Variants in ARGFX observed in about 807,000 individuals in gnomAD.
ARGFX encodes arginine-fifty homeobox.
ARGFX carries 10 observed loss-of-function variants against 8.0 expected under a neutral mutation model. The observed-to-expected ratio is 1.25, with a 90% CI of 0.77 to 2.12. ARGFX has a LOEUF of 2.12. ARGFX is among the 30% of genes most tolerant of loss of function. The pLI is 0.00. For missense variants in ARGFX, 282 were observed against 324.3 expected, an observed-to-expected ratio of 0.87 and a Z score of 1.00; for synonymous variants, 116 against 117.8, an observed-to-expected ratio of 0.98 and a Z score of 0.10.
intron 2 of ARGFX, among the ~76,000 whole-genome samples, chr3:121,572,362 C>T (rs1420222749): frequency 1.3e-5 from 2 of 151,716 alleles, no homozygotes; most frequent in African/African-American, 4.8e-5. Context: ...CTGCCTCAGC[C>T]TCCCAAATAG....
intron 2 of ARGFX, among the ~76,000 whole-genome samples, chr3:121,575,221 G>A (rs373488272): frequency 3.5e-4 from 53 of 152,116 alleles, no homozygotes; most frequent in African/African-American, 1.2e-3. Context: ...TCAGGAGGCT[G>A]TGGCAGGAGA....
intron 3 of ARGFX, among the ~76,000 whole-genome samples, chr3:121,580,517 T>C (rs1228325228): frequency 6.6e-6 from 1 of 151,860 alleles, no homozygotes; most frequent in Non-Finnish European, 1.5e-5. Context: ...ATAATTTTTG[T>C]AGTCTACTCT....
At chr3:121,570,268 G>A (rs540703100) in intron 1 of ARGFX, among the ~76,000 whole-genome samples, 9 of 152,260 alleles carry the variant, frequency 5.9e-5, no homozygotes, top group East Asian at 3.9e-4. Context: ...CCCTGGATAC[G>A]GAATCTGAGT....
At chr3:121,585,338 A>T (rs544075950) in intron 4 of ARGFX, among the ~76,000 whole-genome samples, 2 of 152,268 alleles carry the variant, frequency 1.3e-5, no homozygotes, top group African/African-American at 4.8e-5. Flanking sequence ...TCTTATTTTT[A>T]ATACTTGTAC....
chr3:121,578,108 C>T (rs1262477363), intron 3 of ARGFX, among the ~76,000 whole-genome samples: 1 of 143,944 alleles, frequency 6.9e-6, no homozygotes, highest in Non-Finnish European at 1.5e-5. Context: ...TCTTAACATT[C>T]CCCCTACCCC....
At chr3:121,574,308 T>G (rs1267650837) in intron 2 of ARGFX, among the ~76,000 whole-genome samples, 1 of 152,196 alleles carries the variant, frequency 6.6e-6, no homozygotes, top group African/African-American at 2.4e-5. Context: ...GGGCTGATTT[T>G]GGGATGATCC....
chr3:121,570,289 T>C (rs1355946277), intron 1 of ARGFX, among the ~76,000 whole-genome samples: 1 of 152,110 alleles, frequency 6.6e-6, no homozygotes, highest in Non-Finnish European at 1.5e-5. Context: ...TGATTGGGAG[T>C]GATGGCAAGT....
chr3:121,582,479 C>CAT (rs1009659127), intron 3 of ARGFX, among the ~76,000 whole-genome samples: 7 of 151,878 alleles, frequency 4.6e-5, no homozygotes, highest in African/African-American at 1.2e-4. Flanking sequence ...TTGGATTTCA[C>CAT]ATATATATAT....
chr3:121,586,535 T>C lies in ARGFX; in HGVS notation c.883T>C (p.Tyr295His), dbSNP rs753253312. 1.2e-6 allele frequency: 2 copies of C among 1,614,076 alleles called. No individual in the cohort carries two copies. Among genetic ancestry groups the C allele is most frequent in the African/African-American group, 2.7e-5 (2 of 74,928 alleles). The change falls in exon 5 of 5, where the codon TAC becomes CAC. Residue 295 changes from tyrosine (Y) to histidine (H), a missense_variant. Tyr to His is a moderately conservative substitution (Grantham distance 83). Coordinates refer to ENST00000334384, the MANE Select transcript of ARGFX (RefSeq NM_001012659.2). ...TATGACAAGCCAAGCCTTTGAAGCCTACAGTCTAACAGATAGCCTGGAATT... is the reference window on the plus strand; with the variant it reads ...TATGACAAGCCAAGCCTTTGAAGCCCACAGTCTAACAGATAGCCTGGAATT... ...PNMTSQAFEAYSLTDSLEFQK... is the reference protein window; with the variant it reads ...PNMTSQAFEAHSLTDSLEFQK...
intron 4 of ARGFX, 70 bp downstream of exon 4, chr3:121,585,135 C>A: frequency 6.6e-7 from 1 of 1,519,874 alleles, no homozygotes; most frequent in Non-Finnish European, 9.0e-7. Context: ...TGGAAATTCC[C>A]CACCCTCTAC....
Position 121,576,786 on chromosome 3 carries a change from T to C in ARGFX, c.106T>C (p.Phe36Leu). ...TTCCTTTTCTTTTTTTGAGACAGGT[T>C]TCACTCTGTTATCCAAGCTGGAGTG... ...IPPQDPASPS[F>L]TLLSKLECSG... Residue 36 changes from phenylalanine to leucine, a missense_variant and splice_region_variant, in exon 3 of 5, where the codon TTC (phenylalanine) becomes CTC (leucine). Coordinates refer to ENST00000334384, the MANE Select transcript of ARGFX (RefSeq NM_001012659.2). 4.8e-6 allele frequency: 2 copies of C among 414,746 alleles called. No individual in the cohort carries two copies. The highest frequency in any genetic ancestry group is 9.6e-6 in the Non-Finnish European group (2 of 209,290). The allele number at this position is 414,746 out of a possible 1,614,324, so 25.7% of individuals were successfully genotyped here. A position where few individuals can be genotyped will look rare whatever the true frequency, so the allele number is the denominator to read the frequency against.
chr3:121,579,351 T>C (rs572860721), intron 3 of ARGFX, among the ~76,000 whole-genome samples: 5 of 152,244 alleles, frequency 3.3e-5, no homozygotes, highest in Non-Finnish European at 7.3e-5. Flanking sequence ...CAAACTGATC[T>C]ATAGTTTCTT....
Position 121,586,227 on chromosome 3 carries a change from A to G in ARGFX, c.575A>G (p.Asn192Ser). 1 of 1,613,588 alleles carries G rather than the reference A, an allele frequency of 6.2e-7. No homozygotes were observed. The highest frequency in any genetic ancestry group is 8.5e-7 in the Non-Finnish European group (1 of 1,179,882). ...QPLDPSNWAWNSTFTESSTSD... is the reference protein window; with the variant it reads ...QPLDPSNWAWSSTFTESSTSD... ...TTAGACCCTTCCAATTGGGCATGGA[A>G]CTCTACCTTCACTGAGAGTTCTACC... Residue 192 changes from asparagine (N) to serine (S), a missense_variant, in exon 5 of 5, where the codon AAC becomes AGC. Physicochemically the swap from Asn to Ser is conservative, Grantham distance 46. Coordinates refer to ENST00000334384, the MANE Select transcript of ARGFX (RefSeq NM_001012659.2).
intron 1 of ARGFX, among the ~76,000 whole-genome samples, 144 bp downstream of exon 1, chr3:121,568,157 G>A (rs544562148): frequency 4.1e-4 from 62 of 152,248 alleles, no homozygotes; most frequent in African/African-American, 1.4e-3. Flanking sequence ...GATGGTTGGG[G>A]ACAGAAGGAA....
At chr3:121,580,067 C>T (rs1323055099) in intron 3 of ARGFX, among the ~76,000 whole-genome samples, 1 of 151,040 alleles carries the variant, frequency 6.6e-6, no homozygotes, top group East Asian at 1.9e-4. Flanking sequence ...ATTCTCCCAC[C>T]TCAGCCTCCC....
intron 3 of ARGFX, 60 bp from the exon 4 acceptor site, chr3:121,584,857 G>T: frequency 6.4e-7 from 1 of 1,556,014 alleles, no homozygotes; most frequent in Non-Finnish European, 8.7e-7. Flanking sequence ...TGTTTTTTTG[G>T]TTGGGGGGAG....
intron 2 of ARGFX, among the ~76,000 whole-genome samples, chr3:121,576,268 A>G (rs12492695): frequency 0.36 from 54,643 of 151,930 alleles, 10,412 homozygotes; most frequent in Admixed American, 0.48. Flanking sequence ...TAATGGACAT[A>G]TGTGTTCCCT....
At chr3:121,572,127 C>A (rs1017779453) in intron 2 of ARGFX, among the ~76,000 whole-genome samples, 1 of 151,904 alleles carries the variant, frequency 6.6e-6, no homozygotes, top group South Asian at 2.1e-4. Flanking sequence ...CCACCACACC[C>A]GGCTGACTCC....
chr3:121,587,766 C>T lies in ARGFX; in HGVS notation c.*1166C>T. Among the ~76,000 whole-genome samples the T allele has an allele frequency of 6.6e-6, 1 of 152,142 alleles. No homozygotes were observed. Among genetic ancestry groups the T allele is most frequent in the Non-Finnish European group, 1.5e-5 (1 of 68,040 alleles). On this transcript the variant is annotated 3_prime_UTR_variant, in exon 5 of 5. Coordinates refer to ENST00000334384, the MANE Select transcript of ARGFX (RefSeq NM_001012659.2). ...CTCTGCCTCCTGGGCTCAAACAGTC[C>T]TCCCACCTCAGCCTTCTGAGTAGCT... is the stretch of plus-strand genomic sequence containing the variant.
Sources: gnomAD v4.1 joint callset for allele counts (sites outside exome capture counted in the v4.1 genomes callset) on GRCh38, gnomAD v4.1.1 for gene constraint, MANE v1.5 for transcripts, NCBI Gene and HGNC (gene_info 2026-07-23, HGNC 2026-07-21) for gene names.